The following RANBP3 variants were observed in gnomAD, a reference collection of about 807,000 sequenced individuals.
RANBP3 encodes the protein RAN binding protein 3.
In RANBP3, 14 loss-of-function variants were observed where a neutral mutation model predicts 77.3. The ratio of observed to expected loss-of-function variants is 0.18; its 90% CI spans 0.12 to 0.28. The LOEUF (loss-of-function observed/expected upper bound fraction) is 0.28, where lower values mean the gene tolerates loss of function less well. RANBP3 is among the 10% of genes least tolerant of loss of function. The pLI is 1.00. For synonymous variants in RANBP3, 315 were observed against 312.4 expected (o/e 1.01, Z -0.09); for missense variants, 586 against 752.3 (o/e 0.78, Z 2.59).
chr19:5,937,055 C>CAAAAAAAA (rs1568458812), intron 5 of RANBP3, among the ~76,000 whole-genome samples: 1 of 7,156 alleles, frequency 1.4e-4, no homozygotes, highest in Admixed American at 2.5e-3. Context: ...GACTCTGTCT[C>CAAAAAAAA]CAAAAAAAAA....
chr19:5,923,177 AGG>A lies in RANBP3; in HGVS notation c.1209+15_1209+16del. The A allele has an allele frequency of 6.2e-7, 1 of 1,608,230 alleles. No homozygotes were observed. Among genetic ancestry groups the A allele is most frequent in the Non-Finnish European group, 8.5e-7 (1 of 1,174,734 alleles). On this transcript the variant is annotated intron_variant, in intron 13 of 16. Coordinates refer to ENST00000340578, the MANE Select transcript of RANBP3 (RefSeq NM_007322.3). ...CATGGAAGACCCAGGGCCACCGAGGAGGGGCCGGCCCCTCACCTGTAACACAT... is the reference window on the plus strand; with the variant it reads ...CATGGAAGACCCAGGGCCACCGAGGAGGCCGGCCCCTCACCTGTAACACAT...
chr19:5,964,253 C>A (rs2145241835), intron 1 of RANBP3, among the ~76,000 whole-genome samples: 1 of 152,300 alleles, frequency 6.6e-6, no homozygotes, highest in South Asian at 2.1e-4. Context: ...GCTTGGCCAT[C>A]TCTGCTCTCC....
intron 9 of RANBP3, among the ~76,000 whole-genome samples, chr19:5,926,752 C>T (rs2057915681): frequency 6.6e-6 from 1 of 152,082 alleles, no homozygotes; most frequent in Admixed American, 6.5e-5. Flanking sequence ...CCGCCTCTTG[C>T]CCTCCCTCCT....
chr19:5,968,383 A>G (rs1411098667), intron 1 of RANBP3, among the ~76,000 whole-genome samples: 2 of 152,308 alleles, frequency 1.3e-5, no homozygotes, highest in African/African-American at 4.8e-5. Context: ...CTTCATTTGC[A>G]TATCAGGGCT....
At chr19:5,923,408 G>A (rs574376954) in intron 12 of RANBP3, 105 bp from the exon 13 acceptor site, 33 of 1,156,656 alleles carry the variant, frequency 2.9e-5, no homozygotes, top group Middle Eastern at 3.9e-4. Flanking sequence ...TCTCAAGGAC[G>A]CCTGCTGCCC....
rs1390825122 is a variant in RANBP3 at position 5,921,297 on chromosome 19, C to T, written c.1234G>A (p.Asp412Asn). The change falls in exon 14 of 17, where the codon GAC (aspartate) becomes AAC (asparagine). Residue 412 changes from aspartate (D) to asparagine (N), a missense_variant. This residue lies in a region of RANBP3 where 51 missense variants were observed against 123.2 expected (regional missense o/e 0.41). Coordinates refer to ENST00000340578, the MANE Select transcript of RANBP3 (RefSeq NM_007322.3). This position sits in a 1 kb window ranked among gnomAD's most constrained non-coding sequence, Gnocchi z 5.3. ...TCCACCCAGGACTGTGAGGTCTTGT[C>T]AAAGACAAACAGCTTGCACTGCATC... is the stretch of plus-strand genomic sequence containing the variant. ...LQMQCKLFVF[D>N]KTSQSWVERG... The T allele has an allele frequency of 4.3e-6, 7 of 1,613,718 alleles. No homozygotes were observed. Among genetic ancestry groups the T allele is most frequent in the Non-Finnish European group, 5.9e-6 (7 of 1,179,904 alleles).
At chr19:5,977,757 C>G (rs1393821284) in intron 1 of RANBP3, among the ~76,000 whole-genome samples, 6 of 152,234 alleles carry the variant, frequency 3.9e-5, no homozygotes, top group Admixed American at 3.9e-4. Flanking sequence ...CCGCGCCTCC[C>G]GCCCCCTTCA....
At chr19:5,934,222 A>C (rs274791) in intron 5 of RANBP3, 1 of 152,154 alleles carries the variant, frequency 6.6e-6, no homozygotes, top group African/African-American at 2.4e-5. Context: ...GTGCCCATAC[A>C]GGGAGTGGGG....
At chr19:5,976,223 G>A (rs766278741) in intron 1 of RANBP3, among the ~76,000 whole-genome samples, 1 of 152,164 alleles carries the variant, frequency 6.6e-6, no homozygotes, top group Non-Finnish European at 1.5e-5. Context: ...GTGTAGTGGG[G>A]GAGATAAGGA....
intron 3 of RANBP3, among the ~76,000 whole-genome samples, chr19:5,948,759 T>C (rs547898476): frequency 6.6e-6 from 1 of 152,190 alleles, no homozygotes; most frequent in Admixed American, 6.5e-5. Context: ...GCCAGAGGGA[T>C]TCATTCCAGA....
In RANBP3 at chr19:5,918,622, C is replaced by T; in HGVS notation, c.1347G>A (p.Gly449=). The change falls in exon 15 of 17, where the codon GGG becomes GGA. Residue 449 remains glycine, a synonymous_variant. Transcript: ENST00000340578. The part of the protein sequence containing the change: ...LQSRLVMRTQ[G]SLRLILNTKL... Reference sequence around the variant, plus strand: ...TGGTGTTGAGGATCAGTCGCAGGCTCCCCTGGGTCCGCATCACTACAACCA... The same window carrying T: ...TGGTGTTGAGGATCAGTCGCAGGCTTCCCTGGGTCCGCATCACTACAACCA... 1 of 1,613,756 alleles carries T rather than the reference C, an allele frequency of 6.2e-7. No individual in the cohort carries two copies. Among genetic ancestry groups the T allele is most frequent in the South Asian group, 1.1e-5 (1 of 91,080 alleles).
chr19:5,946,233 C>A (rs73920096), intron 3 of RANBP3, among the ~76,000 whole-genome samples: 1 of 152,196 alleles, frequency 6.6e-6, no homozygotes, highest in Non-Finnish European at 1.5e-5. Flanking sequence ...AGAGGTGTCT[C>A]CTACAACACA....
chr19:5,918,542 G>A lies in RANBP3; in HGVS notation c.1427C>T (p.Thr476Ile). Residue 476 changes from threonine to isoleucine, a missense_variant, in exon 15 of 17, where the codon ACA (threonine) becomes ATA (isoleucine). Thr to Ile is a moderately conservative substitution (Grantham distance 89). Around this residue, in one of 5 missense-constraint regions of RANBP3, gnomAD observed 128 missense variants for 157.0 expected, o/e 0.82. Coordinates refer to ENST00000340578, the MANE Select transcript of RANBP3 (RefSeq NM_007322.3). ...DKASEKSIRI[T>I]AMDTEDQGVK... Reference sequence around the variant, plus strand: ...GCCCTGGTCCTCGGTGTCCATGGCTGTGATGCGAATGCTCTTCTCGCTGGC... The same window carrying A: ...GCCCTGGTCCTCGGTGTCCATGGCTATGATGCGAATGCTCTTCTCGCTGGC... The A allele has an allele frequency of 6.2e-7, 1 of 1,613,574 alleles. No homozygotes were observed. Among genetic ancestry groups the A allele is most frequent in the Non-Finnish European group, 8.5e-7 (1 of 1,179,882 alleles).
chr19:5,918,678 G>A (rs559263308), intron 14 of RANBP3, 40 bp from the exon 15 acceptor site: 108 of 1,599,944 alleles, frequency 6.8e-5, no homozygotes, highest in East Asian at 2.2e-4. Flanking sequence ...CCCCCACACC[G>A]GCCCCCTCAC....
chr19:5,934,708 C>A (rs777984915), intron 5 of RANBP3, among the ~76,000 whole-genome samples: 1 of 152,094 alleles, frequency 6.6e-6, no homozygotes, highest in Non-Finnish European at 1.5e-5. Context: ...GTGGTACATG[C>A]CTGTAGTCCC....
At chr19:5,932,950 C>G (rs1384125846) in intron 6 of RANBP3, 1 of 267,054 alleles carries the variant, frequency 3.7e-6, no homozygotes. Context: ...GAGGAAGTCC[C>G]TCTGCCAAAG....
intron 1 of RANBP3, among the ~76,000 whole-genome samples, chr19:5,970,139 G>A (rs1015932555): frequency 1.3e-5 from 2 of 152,118 alleles, no homozygotes; most frequent in African/African-American, 4.8e-5. Context: ...CAACATCCTA[G>A]GAGGCTCAGA....
rs1002095343 is a variant in RANBP3, at chr19:5,924,647, A to T, written c.996+180T>A. On this transcript the variant is annotated intron_variant, in intron 11 of 16. Transcript: ENST00000340578. The surrounding 1 kb of genome is among the most constrained non-coding windows in gnomAD (Gnocchi z 4.7). ...AGCGAATGCCAGTTCGTAGGCAGCCAGTGGCCCTGGCCAGTTTTCAGGCTG... is the reference window on the plus strand; with the variant it reads ...AGCGAATGCCAGTTCGTAGGCAGCCTGTGGCCCTGGCCAGTTTTCAGGCTG... 1.3e-5 allele frequency among the ~76,000 whole-genome samples: 2 copies of T among 152,240 alleles called. No individual in the cohort carries two copies. The highest frequency in any genetic ancestry group is 2.9e-5 in the Non-Finnish European group (2 of 68,040).
At chr19:5,973,411 A>G (rs1049525482) in intron 1 of RANBP3, among the ~76,000 whole-genome samples, 2 of 152,198 alleles carry the variant, frequency 1.3e-5, no homozygotes, top group Non-Finnish European at 2.9e-5. Flanking sequence ...TTCCACTGTC[A>G]TGACTGGCGG....
Sources: gnomAD v4.1 joint callset for allele counts (sites outside exome capture counted in the v4.1 genomes callset) on GRCh38, gnomAD v4.1.1 for gene constraint, gnomAD v4.1.1 regional missense constraint, Gnocchi (gnomAD v3.1) non-coding constraint, MANE v1.5 for transcripts, NCBI Gene and HGNC (gene_info 2026-07-23, HGNC 2026-07-21) for gene names.